Variants in MUC12 observed in about 807,000 individuals in gnomAD.
MUC12 encodes mucin 12, cell surface associated, also known as mucin-12.
MUC12 carries 172 observed loss-of-function variants against 230.8 expected under a neutral mutation model. The ratio of observed to expected loss-of-function variants is 0.75; its 90% CI spans 0.66 to 0.85. MUC12 has a LOEUF of 0.85. Among genes scored for constraint, MUC12 ranks in the 40% least tolerant of loss-of-function variants. The pLI, the probability that MUC12 is intolerant of heterozygous loss-of-function variation, is 0.00. For synonymous variants in MUC12, 1,259 were observed against 2,401.9 expected (o/e 0.52, Z 13.91); for missense variants, 3,506 against 5,920.6 (o/e 0.59, Z 13.38).
In MUC12 at chr7:101,013,156, T is replaced by C. The variant is rs1793863174; in HGVS notation, c.15638+14T>C. On this transcript the variant is annotated intron_variant, in intron 8 of 11. Transcript: ENST00000536621. ...CCCCCGCTGCCTGTGAGTGTCCCCA[T>C]AAGCCCAGCACCCACTCTGTCCTGG... 4 of 1,537,086 alleles carry C rather than the reference T, an allele frequency of 2.6e-6. No homozygotes were observed. The highest frequency in any genetic ancestry group is 4.9e-5 in the East Asian group (2 of 40,910).
rs977027499 is a variant in MUC12, at chr7:101,017,360, C to A, written c.15878-215C>A. The A allele has an allele frequency of 7.4e-6, 4 of 540,826 alleles. No homozygotes were observed. In the African/African-American group the frequency reaches 7.6e-5, roughly 10 times the overall value. 33.5% of individuals were successfully genotyped at this position (540,826 alleles called of 1,614,324 possible). The stretch of plus-strand genomic sequence containing the variant: ...GTGCATGTGGGGGGCTTCTGCTCCG[C>A]TCCCTCCTGTTCCGGGGTCCAGCGG... On this transcript the variant is annotated intron_variant, in intron 10 of 11. Coordinates refer to ENST00000536621, the MANE Select transcript of MUC12 (RefSeq NM_001164462.2).
In MUC12 at chr7:101,017,607, G is replaced by A; in HGVS notation, c.15910G>A (p.Glu5304Lys). Reference sequence around the variant, plus strand: ...TCTGAGGGAGAGCAGATTCGGCCTTGAGAACGCCTACAACAACTTCCGGCC... The same window carrying A: ...TCTGAGGGAGAGCAGATTCGGCCTTAAGAACGCCTACAACAACTTCCGGCC... ...QNLRESRFGLENAYNNFRPTL... is the reference protein window; with the variant it reads ...QNLRESRFGLKNAYNNFRPTL... The change falls in exon 11 of 12, where the codon GAG becomes AAG. Residue 5304 changes from glutamate to lysine, a missense_variant. Glu to Lys is a moderately conservative substitution (Grantham distance 56). Coordinates refer to ENST00000536621, the MANE Select transcript of MUC12 (RefSeq NM_001164462.2). 1.3e-6 allele frequency: 2 copies of A among 1,536,058 alleles called. No homozygotes were observed. The highest frequency in any genetic ancestry group is 1.2e-5 in the South Asian group (1 of 84,052).
At chr7:101,012,189 C>A in intron 5 of MUC12, 107 bp from the exon 6 acceptor site, 1 of 1,243,210 alleles carries the variant, frequency 8.0e-7, no homozygotes, top group Non-Finnish European at 1.1e-6. Flanking sequence ...TTTCTCACCT[C>A]TGGGTCACAT....
chr7:101,011,275 T>C (rs374236229), intron 5 of MUC12, among the ~76,000 whole-genome samples: 1 of 151,774 alleles, frequency 6.6e-6, no homozygotes, highest in African/African-American at 2.4e-5. Context: ...TGGCTCAGGA[T>C]TTTTTTTGTC....
In MUC12 at chr7:100,992,924, A is replaced by G. The variant is rs1793372969; in HGVS notation, c.2361A>G (p.Thr787=). Residue 787 remains threonine (T), a synonymous_variant, in exon 2 of 12, where the codon ACA becomes ACG. Coordinates refer to ENST00000536621, the MANE Select transcript of MUC12 (RefSeq NM_001164462.2). ...TGTIVLPARS[T]TSVLLGESTT... is the part of the protein sequence containing the mutation. ...CAATAGTCCTACCTGCCCGCTCCACAACCTCAGTTCTTCTTGGAGAATCTA... is the reference window on the plus strand; with the variant it reads ...CAATAGTCCTACCTGCCCGCTCCACGACCTCAGTTCTTCTTGGAGAATCTA... 6.5e-7 allele frequency: 1 copy of G among 1,537,396 alleles called. No homozygotes were observed. The highest frequency in any genetic ancestry group is 8.7e-7 in the Non-Finnish European group (1 of 1,146,986).
rs562070491 is a variant in MUC12 at position 101,005,004 on chromosome 7, C to A, written c.14441C>A (p.Thr4814Lys). Reference protein sequence around the residue: ...TETTLSPGSITTSSFAQEFTT... With the variant: ...TETTLSPGSIKTSSFAQEFTT... ...ACAACACTGTCCCCTGGCAGCATCA[C>A]AACTTCATCTTTTGCTCAAGAATTT... is the stretch of plus-strand genomic sequence containing the variant. The change falls in exon 2 of 12, where the codon ACA becomes AAA. Residue 4814 changes from threonine to lysine, a missense_variant. Coordinates refer to ENST00000536621, the MANE Select transcript of MUC12 (RefSeq NM_001164462.2). 2.6e-6 allele frequency: 4 copies of A among 1,537,616 alleles called. No homozygotes were observed. The highest frequency in any genetic ancestry group is 2.7e-5 in the African/African-American group (2 of 73,044).
At position 100,977,857 on chromosome 7, in the gene MUC12, C is replaced by T. The variant is rs542564236; in HGVS notation, c.67+8168C>T. On this transcript the variant is annotated intron_variant, in intron 1 of 11. Coordinates refer to ENST00000536621, the MANE Select transcript of MUC12 (RefSeq NM_001164462.2). ...TGCTGGGATTACAAGCGTGAGCCAC[C>T]GTGCCTGGCCAGCCTTTTCTAGCTC... Among the ~76,000 whole-genome samples, 13 of 152,174 alleles carry T rather than the reference C, an allele frequency of 8.5e-5. No homozygotes were observed. In the South Asian group the frequency reaches 1.0e-3, roughly 12 times the overall value.
At chr7:101,005,540 T>C (rs1356817081) in intron 2 of MUC12, 21 bp downstream of exon 2, 17 of 1,524,424 alleles carry the variant, frequency 1.1e-5, no homozygotes, top group Non-Finnish European at 1.5e-5. Flanking sequence ...TTCCATTTCA[T>C]CCACGTTTAG....
In MUC12 at chr7:100,980,921, GA is replaced by G. The variant is rs369611556; in HGVS notation, c.68-9700del. Among the ~76,000 whole-genome samples, 1,032 of 147,538 alleles carry G rather than the reference GA, an allele frequency of 7.0e-3. 3 individuals carry two copies. The highest frequency in any genetic ancestry group is 0.01 in the Non-Finnish European group (672 of 66,558). ...TTACAGAGTGAGACCCCCAACTCCTGAAAAAAAAAATGGTATGACTCTTCCA... is the reference window on the plus strand; with the variant it reads ...TTACAGAGTGAGACCCCCAACTCCTGAAAAAAAAATGGTATGACTCTTCCA... On this transcript the variant is annotated intron_variant, in intron 1 of 11. Transcript: ENST00000536621.
At chr7:101,016,309 G>A (rs1157754108) in intron 10 of MUC12, among the ~76,000 whole-genome samples, 2 of 151,948 alleles carry the variant, frequency 1.3e-5, no homozygotes, top group Non-Finnish European at 2.9e-5. Context: ...GGCTTTGGCC[G>A]CCCACCTTTT....
At position 101,002,771 on chromosome 7, in the gene MUC12, A is replaced by ACCC; in HGVS notation, c.12208_12209insCCC (p.Ser4070delinsThrArg). On this transcript the variant is annotated protein_altering_variant, in exon 2 of 12. Transcript: ENST00000536621. Reference sequence around the variant, plus strand: ...AACACTGACCCCTGCCAGCTCCACAAGCACTGGCCTTCAGGAAGAATCTAC... The same window carrying ACCC: ...AACACTGACCCCTGCCAGCTCCACAACCCGCACTGGCCTTCAGGAAGAATCTAC... 1.7e-6 allele frequency: 2 copies of ACCC among 1,179,394 alleles called. No homozygotes were observed. The allele number at this position is 1,179,394 out of a possible 1,614,324, so 73.1% of individuals were successfully genotyped here.
In MUC12 at chr7:101,017,572, C is replaced by A; in HGVS notation, c.15878-3C>A. The A allele has an allele frequency of 6.5e-7, 1 of 1,532,742 alleles. No individual in the cohort carries two copies. The highest frequency in any genetic ancestry group is 8.7e-7 in the Non-Finnish European group (1 of 1,143,450). 94.9% of individuals were successfully genotyped at this position (1,532,742 alleles called of 1,614,324 possible). A position where few individuals can be genotyped will look rare whatever the true frequency, so the allele number is the denominator to read the frequency against. ...CATCACTCATCACGGCCTCTCCCTA[C>A]AGACCAGAATCTGAGGGAGAGCAGA... On this transcript the variant is annotated splice_region_variant and splice_polypyrimidine_tract_variant and intron_variant, in intron 10 of 11. Transcript: ENST00000536621.
intron 1 of MUC12, among the ~76,000 whole-genome samples, chr7:100,978,638 A>T (rs1159123795): frequency 6.6e-6 from 1 of 151,978 alleles, no homozygotes. Context: ...TGGGGACTTC[A>T]TTGACTGATT....
In MUC12 at chr7:101,013,967, C is replaced by T. The variant is rs141573081; in HGVS notation, c.15693C>T (p.Ile5231=). ...WYWGETCEFN[I]AKSLVYGIVG... ...GGGGAGAGACCTGTGAATTCAACATCGCCAAGAGCCTCGTGTATGGGATCG... is the reference window on the plus strand; with the variant it reads ...GGGGAGAGACCTGTGAATTCAACATTGCCAAGAGCCTCGTGTATGGGATCG... The change falls in exon 9 of 12, where the codon ATC becomes ATT. Residue 5231 remains isoleucine (I), a synonymous_variant. Transcript: ENST00000536621. 8,700 of 1,536,470 alleles carry T rather than the reference C, an allele frequency of 5.7e-3. 26 individuals carry two copies. Among genetic ancestry groups the T allele is most frequent in the Non-Finnish European group, 6.4e-3 (7,315 of 1,146,580 alleles).
At chr7:100,980,865 C>T (rs1458818019) in intron 1 of MUC12, among the ~76,000 whole-genome samples, 3 of 152,036 alleles carry the variant, frequency 2.0e-5, no homozygotes, top group South Asian at 4.2e-4. Context: ...CTGCAGTGAG[C>T]TAAGGTTGTG....
At chr7:101,015,502 C>T in intron 9 of MUC12, 113 bp from the exon 10 acceptor site, 3 of 830,614 alleles carry the variant, frequency 3.6e-6, no homozygotes, top group Non-Finnish European at 5.6e-6. Context: ...GCTGCCATCT[C>T]TGACTCGGGG....
chr7:101,004,347 C>T lies in MUC12; in HGVS notation c.13784C>T (p.Thr4595Ile), dbSNP rs1793688054. 3.6e-6 allele frequency: 5 copies of T among 1,370,678 alleles called. No individual in the cohort carries two copies. In the East Asian group the frequency reaches 1.1e-4, roughly 29 times the overall value. The allele number at this position is 1,370,678 out of a possible 1,614,324, so 84.9% of individuals were successfully genotyped here. A position where few individuals can be genotyped will look rare whatever the true frequency, so the allele number is the denominator to read the frequency against. ...ATTPSPARST[T>I]SGLVEESTAY... is the part of the protein sequence containing the mutation. ...ACACCCTCGCCTGCCCGCTCCACAA[C>T]CTCAGGCCTCGTTGAAGAATCTACG... is the stretch of plus-strand genomic sequence containing the variant. Residue 4595 changes from threonine (T) to isoleucine (I), a missense_variant, in exon 2 of 12, where the codon ACC becomes ATC. By Grantham distance (89) the Thr-to-Ile change is moderately conservative. Transcript: ENST00000536621.
rs1562785171 is a variant in MUC12 at position 100,994,583 on chromosome 7, C to G, written c.4020C>G (p.Phe1340Leu). The G allele has an allele frequency of 1.0e-6, 1 of 996,776 alleles. No homozygotes were observed. The highest frequency in any genetic ancestry group is 1.3e-6 in the Non-Finnish European group (1 of 742,694). 61.7% of individuals were successfully genotyped at this position (996,776 alleles called of 1,614,324 possible). A position where few individuals can be genotyped will look rare whatever the true frequency, so the allele number is the denominator to read the frequency against. Residue 1340 changes from phenylalanine to leucine, a missense_variant, in exon 2 of 12, where the codon TTC becomes TTG. Transcript: ENST00000536621. ...CAGGCTCAACGCACACAACAGCATT[C>G]CCTGACAGCACCACCACCTCAGACC... ...SQPGSTHTTA[F>L]PDSTTTSDLS...
chr7:101,015,545 A>G, intron 9 of MUC12, 70 bp from the exon 10 acceptor site: 1 of 1,349,678 alleles, frequency 7.4e-7, no homozygotes, highest in Non-Finnish European at 1.0e-6. Flanking sequence ...AGGGAAGCTG[A>G]AGGTCAGGGT....
Sources: gnomAD v4.1 joint callset for allele counts (sites outside exome capture counted in the v4.1 genomes callset) on GRCh38, gnomAD v4.1.1 for gene constraint, MANE v1.5 for transcripts, NCBI Gene and HGNC (gene_info 2026-07-23, HGNC 2026-07-21) for gene names.